The following SAMTOR variants were observed in gnomAD, a reference collection of about 807,000 sequenced individuals.
SAMTOR encodes UPF0532 protein C7orf60.
At chr7:112,848,809 G>A in the SAMTOR span, among the ~76,000 whole-genome samples, 15 of 152,086 alleles carry the variant, frequency 9.9e-5, no homozygotes, top group African/African-American at 3.1e-4. Flanking sequence ...TCTCCAATGC[G>A]GGAGGCCGAG....
chr7:112,935,110 T>TCA, the SAMTOR span: 1 of 317,466 alleles, frequency 3.1e-6, no homozygotes, highest in South Asian at 2.6e-5. Flanking sequence ...AGGCAAATAT[T>TCA]CTATCACAAA....
At chr7:112,929,579 G>T in the SAMTOR span, among the ~76,000 whole-genome samples, 2 of 151,872 alleles carry the variant, frequency 1.3e-5, no homozygotes, top group Admixed American at 1.3e-4. Context: ...TCCCACTATG[G>T]GTATTTATCC....
chr7:112,893,511 T>C, the SAMTOR span, among the ~76,000 whole-genome samples: 1 of 152,228 alleles, frequency 6.6e-6, no homozygotes, highest in Non-Finnish European at 1.5e-5. Context: ...GGATTAGGTA[T>C]TGGCTTGAGG....
chr7:112,858,362 A>G, the SAMTOR span, among the ~76,000 whole-genome samples: 1 of 151,716 alleles, frequency 6.6e-6, no homozygotes, highest in African/African-American at 2.4e-5. Context: ...CACTAGATAC[A>G]GAATGTTTAC....
the SAMTOR span, among the ~76,000 whole-genome samples, chr7:112,835,207 CGATT>C: frequency 6.6e-6 from 1 of 152,074 alleles, no homozygotes; most frequent in Non-Finnish European, 1.5e-5. Context: ...AAATTTATCT[CGATT>C]GTTTATCTGT....
chr7:112,821,297 C>T, the SAMTOR span: 1 of 152,846 alleles, frequency 6.5e-6, no homozygotes, highest in African/African-American at 2.4e-5. Flanking sequence ...AAGATAAGTG[C>T]ATCACAAAAC....
chr7:112,914,469 A>G, the SAMTOR span, among the ~76,000 whole-genome samples: 1 of 152,058 alleles, frequency 6.6e-6, no homozygotes, highest in Non-Finnish European at 1.5e-5. Context: ...ATTTTACCAC[A>G]TTAAGAGAAC....
At chr7:112,832,411 C>T in the SAMTOR span, 1 of 609,420 alleles carries the variant, frequency 1.6e-6, no homozygotes, top group Non-Finnish European at 2.9e-6. Context: ...GTTAAATGCT[C>T]AATTATTCAC....
the SAMTOR span, among the ~76,000 whole-genome samples, chr7:112,908,291 A>C: frequency 2.6e-5 from 4 of 152,212 alleles, no homozygotes; most frequent in African/African-American, 9.7e-5. Flanking sequence ...TGACTCTCTC[A>C]TGAATAATTA....
the SAMTOR span, among the ~76,000 whole-genome samples, chr7:112,859,491 CT>C: frequency 6.6e-6 from 1 of 152,136 alleles, no homozygotes; most frequent in African/African-American, 2.4e-5. Context: ...ATTTACTACA[CT>C]TTTGTTATAT....
the SAMTOR span, among the ~76,000 whole-genome samples, chr7:112,939,057 G>A: frequency 6.6e-6 from 1 of 152,200 alleles, no homozygotes. Context: ...AAGGCCTGCT[G>A]GCTTCCCAGC....
At chr7:112,835,487 T>C in the SAMTOR span, among the ~76,000 whole-genome samples, 2 of 152,142 alleles carry the variant, frequency 1.3e-5, no homozygotes, top group Non-Finnish European at 2.9e-5. Context: ...TTGAAGTTCT[T>C]TTATAAACTT....
the SAMTOR span, among the ~76,000 whole-genome samples, chr7:112,845,162 A>G: frequency 6.6e-6 from 1 of 152,192 alleles, no homozygotes; most frequent in Non-Finnish European, 1.5e-5. Context: ...GGGCAACACC[A>G]TTCTGGACAT....
the SAMTOR span, among the ~76,000 whole-genome samples, chr7:112,919,805 A>G: frequency 1.1e-4 from 17 of 152,328 alleles, no homozygotes; most frequent in Admixed American, 3.9e-4. Flanking sequence ...CTACCATGAG[A>G]GAATACTACA....
At chr7:112,849,890 A>G in the SAMTOR span, among the ~76,000 whole-genome samples, 1 of 152,188 alleles carries the variant, frequency 6.6e-6, no homozygotes, top group Non-Finnish European at 1.5e-5. Flanking sequence ...TATATGAATG[A>G]CATTTATTGA....
the SAMTOR span, chr7:112,821,572 A>G: frequency 1.8e-6 from 1 of 549,174 alleles, no homozygotes; most frequent in Non-Finnish European, 3.0e-6. Context: ...TAAGCTTTCT[A>G]TATAAGAATA....
chr7:112,829,489 G>A, the SAMTOR span, among the ~76,000 whole-genome samples: 1 of 152,068 alleles, frequency 6.6e-6, no homozygotes, highest in Non-Finnish European at 1.5e-5. Flanking sequence ...CTGTTTCTGT[G>A]TCAGTTCAGG....
chr7:112,895,786 C>T, the SAMTOR span: 2 of 1,284,056 alleles, frequency 1.6e-6, no homozygotes, highest in South Asian at 2.3e-5. Context: ...TGTACGACTA[C>T]AAAATAAGAC....
the SAMTOR span, among the ~76,000 whole-genome samples, chr7:112,904,527 A>C: frequency 6.6e-6 from 1 of 152,302 alleles, no homozygotes; most frequent in East Asian, 1.9e-4. Flanking sequence ...AATGCAACTA[A>C]AATAGCAATC....
Sources: gnomAD v4.1 joint callset for allele counts (sites outside exome capture counted in the v4.1 genomes callset) on GRCh38, gnomAD v4.1.1 for gene constraint, MANE v1.5 for transcripts, NCBI Gene and HGNC (gene_info 2026-07-23, HGNC 2026-07-21) for gene names.